The following GAK variants were observed in gnomAD, a reference collection of about 807,000 sequenced individuals.
GAK encodes cyclin G associated kinase, also known as cyclin-G-associated kinase.
GAK carries 79 observed loss-of-function variants against 143.9 expected under a neutral mutation model. That is an observed-to-expected ratio of 0.55 (90% CI 0.46 to 0.66). GAK has a LOEUF of 0.66. GAK is among the 30% of genes least tolerant of loss of function. GAK has a pLI of 0.00. For synonymous variants in GAK, 881 were observed against 765.5 expected (o/e 1.15, Z -2.49); for missense variants, 1,693 against 1,779.7 (o/e 0.95, Z 0.88).
intron 15 of GAK, 138 bp downstream of exon 15, chr4:881,769 C>T (rs1715154455): frequency 9.1e-7 from 1 of 1,094,270 alleles, no homozygotes; most frequent in Non-Finnish European, 1.3e-6. Context: ...TCAGCCATGG[C>T]TCCGCGAGGC....
intron 6 of GAK, among the ~76,000 whole-genome samples, chr4:897,764 C>G (rs570743728): frequency 1.3e-5 from 2 of 152,346 alleles, no homozygotes; most frequent in East Asian, 3.9e-4. Flanking sequence ...TCCTGGCCAA[C>G]ACGGTGAAAC....
intron 24 of GAK, among the ~76,000 whole-genome samples, chr4:854,185 A>G (rs1377455464): frequency 1.3e-5 from 2 of 151,168 alleles, no homozygotes; most frequent in African/African-American, 4.9e-5. Context: ...GCAGGGTCAC[A>G]GGACAATAGT....
At chr4:911,597 T>G in intron 4 of GAK, 76 bp downstream of exon 4, 3 of 968,276 alleles carry the variant, frequency 3.1e-6, no homozygotes, top group Non-Finnish European at 4.9e-6. Context: ...TTCACAGCCA[T>G]GCAGCTGGGT....
In GAK at chr4:868,587, T is replaced by C. The variant is rs1287728608; in HGVS notation, c.2347A>G (p.Ser783Gly). ...AEPTDSDSPP[S>G]SSADASRFLH... ...AAGCGACTGGCGTCCGCGCTGCTGC[T>C]TGGCGGTGAGTCAGAGTCTGTGGGT... is the stretch of plus-strand genomic sequence containing the variant. The change falls in exon 20 of 28, where the codon AGC (serine) becomes GGC (glycine). Residue 783 changes from serine to glycine, a missense_variant. Around this residue, in one of 2 missense-constraint regions of GAK, gnomAD observed 822 missense variants for 788.7 expected, o/e 1.04. Transcript: ENST00000314167. 2 of 1,604,868 alleles carry C rather than the reference T, an allele frequency of 1.2e-6. No homozygotes were observed. Among genetic ancestry groups the C allele is most frequent in the Admixed American group, 3.4e-5 (2 of 59,150 alleles).
intron 1 of GAK, among the ~76,000 whole-genome samples, chr4:927,146 CGG>C (rs1724943196): frequency 1.3e-5 from 1 of 79,078 alleles, no homozygotes; most frequent in South Asian, 3.8e-4. Flanking sequence ...ACACCCCTCC[CGG>C]CTCACCTGCG....
intron 6 of GAK, 191 bp downstream of exon 6, chr4:897,842 G>C (rs181927003): frequency 3.2e-5 from 17 of 525,644 alleles, no homozygotes; most frequent in Non-Finnish European, 4.8e-5. Context: ...CCAGCTACTC[G>C]GGAGGCAGAG....
At chr4:864,174 C>T (rs1750741418) in intron 23 of GAK, among the ~76,000 whole-genome samples, 1 of 152,098 alleles carries the variant, frequency 6.6e-6, no homozygotes, top group Admixed American at 6.5e-5. Context: ...GCCTGAGCAA[C>T]ATGGCAAAAC....
chr4:912,436 A>G (rs1031777825), intron 3 of GAK: 2 of 403,656 alleles, frequency 5.0e-6, no homozygotes, highest in African/African-American at 4.1e-5. Context: ...CGGGCCGGGC[A>G]AGGGCCCCCT....
chr4:908,838 G>C (rs1310621203), intron 4 of GAK, among the ~76,000 whole-genome samples: 1 of 152,122 alleles, frequency 6.6e-6, no homozygotes, highest in East Asian at 1.9e-4. Context: ...ATTATATAAA[G>C]TAAAATCCCA....
intron 1 of GAK, among the ~76,000 whole-genome samples, chr4:920,567 G>A (rs1383340866): frequency 6.3e-5 from 7 of 111,016 alleles, no homozygotes; most frequent in East Asian, 6.2e-4. Flanking sequence ...TTTTTGAGAC[G>A]GAGTCTTGGT....
intron 24 of GAK, chr4:853,771 C>T (rs529698094): frequency 6.6e-6 from 1 of 152,456 alleles, no homozygotes; most frequent in African/African-American, 2.4e-5. Context: ...TGTCAATGTG[C>T]TGGAGGTCTC....
intron 8 of GAK, among the ~76,000 whole-genome samples, 184 bp from the exon 9 acceptor site, chr4:893,673 CAG>C (rs1392580172): frequency 6.6e-6 from 1 of 152,184 alleles, no homozygotes; most frequent in African/African-American, 2.4e-5. Flanking sequence ...AATCACCACT[CAG>C]AGCACCGCAA....
At chr4:914,772 C>T (rs1412300935) in intron 1 of GAK, among the ~76,000 whole-genome samples, 1 of 134,700 alleles carries the variant, frequency 7.4e-6, no homozygotes, top group Non-Finnish European at 1.6e-5. Context: ...CATACACGGC[C>T]CCCAACACAC....
chr4:914,445 C>CA (rs1391660494), intron 1 of GAK, among the ~76,000 whole-genome samples: 7 of 107,154 alleles, frequency 6.5e-5, no homozygotes, highest in Non-Finnish European at 1.1e-4. Flanking sequence ...TGCACGGCCC[C>CA]CACACACACA....
At chr4:911,385 C>T (rs374887979) in intron 4 of GAK, among the ~76,000 whole-genome samples, 24 of 152,362 alleles carry the variant, frequency 1.6e-4, no homozygotes, top group East Asian at 1.4e-3. Context: ...CGCTCTACCC[C>T]GTGCTGCCAC....
intron 9 of GAK, 99 bp downstream of exon 9, chr4:893,278 G>T: frequency 1.2e-6 from 1 of 808,890 alleles, no homozygotes; most frequent in Non-Finnish European, 1.9e-6. Context: ...GGGATCTGGG[G>T]CTCACATGTG....
intron 2 of GAK, 35 bp downstream of exon 2, chr4:913,572 C>A (rs968923423): frequency 6.5e-6 from 10 of 1,543,908 alleles, no homozygotes; most frequent in Non-Finnish European, 9.0e-6. Context: ...TTACATACGT[C>A]AGAAATCCAG....
In GAK at chr4:884,142, C is replaced by A; in HGVS notation, c.1206-56G>T. The A allele has an allele frequency of 2.6e-6, 4 of 1,514,864 alleles. No homozygotes were observed. In the South Asian group the frequency reaches 3.4e-5, roughly 13 times the overall value. The allele number at this position is 1,514,864 out of a possible 1,614,324, so 93.8% of individuals were successfully genotyped here. A position where few individuals can be genotyped will look rare whatever the true frequency, so the allele number is the denominator to read the frequency against. On this transcript the variant is annotated intron_variant, in intron 11 of 27. Transcript: ENST00000314167. ...GACAAGAAACACTCCGCAGTTAGGTCACAGGGCTTAAGCCAGAGCCCGAGG... is the reference window on the plus strand; with the variant it reads ...GACAAGAAACACTCCGCAGTTAGGTAACAGGGCTTAAGCCAGAGCCCGAGG...
At chr4:903,054 G>A (rs1335143197) in intron 5 of GAK, among the ~76,000 whole-genome samples, 1 of 152,230 alleles carries the variant, frequency 6.6e-6, no homozygotes, top group Non-Finnish European at 1.5e-5. Flanking sequence ...TGTCCTCTGT[G>A]GGGCTGTGGG....
Sources: allele counts gnomAD v4.1 joint callset (sites outside exome capture counted in the v4.1 genomes callset), GRCh38; gene constraint gnomAD v4.1.1; regional missense constraint gnomAD v4.1.1; transcripts MANE v1.5; gene names NCBI Gene and HGNC (gene_info 2026-07-23, HGNC 2026-07-21).